The following ZDHHC15 variants were observed in gnomAD, a reference collection of about 807,000 sequenced individuals.
ZDHHC15 encodes palmitoyltransferase ZDHHC15.
ZDHHC15 carries 19 observed loss-of-function variants against 31.7 expected under a neutral mutation model. The ratio of observed to expected loss-of-function variants is 0.60; its 90% CI spans 0.42 to 0.88. The LOEUF (loss-of-function observed/expected upper bound fraction) is 0.88, where lower values mean the gene tolerates loss of function less well. ZDHHC15 is among the 40% of genes least tolerant of loss of function. The pLI, the probability that ZDHHC15 is intolerant of heterozygous loss-of-function variation, is 0.00. For missense variants in ZDHHC15, 209 were observed against 251.2 expected (o/e 0.83, Z 1.14); for synonymous variants, 103 against 90.0 (o/e 1.14, Z -0.82).
At chrX:75,381,471 G>A (rs1447332718) in intron 10 of ZDHHC15, among the ~76,000 whole-genome samples, 1 of 111,456 alleles carries the variant, frequency 9.0e-6, no homozygotes, top group East Asian at 2.8e-4. Flanking sequence ...TACCACTCAT[G>A]AATCCATTGC....
At chrX:75,442,708 C>T (rs758122172) in intron 4 of ZDHHC15, among the ~76,000 whole-genome samples, 5 of 111,523 alleles carry the variant, frequency 4.5e-5, no homozygotes, top group South Asian at 3.8e-4. Flanking sequence ...AATATTGGGC[C>T]GGGCGCGGTG....
At chrX:75,373,121 T>C (rs1281545273) in intron 11 of ZDHHC15, among the ~76,000 whole-genome samples, 176 bp from the exon 12 acceptor site, 1 of 111,767 alleles carries the variant, frequency 8.9e-6, no homozygotes, top group Non-Finnish European at 1.9e-5. Context: ...TACAATGCTA[T>C]ATTTTTGACC....
At chrX:75,474,578 A>ATATAATT (rs2084567011) in intron 3 of ZDHHC15, among the ~76,000 whole-genome samples, 4 of 98,848 alleles carry the variant, frequency 4.0e-5, no homozygotes, top group Non-Finnish European at 8.0e-5. Context: ...CTTTATACAC[A>ATATAATT]CACACACACA....
At chrX:75,518,105 C>A (rs1278280137) in intron 1 of ZDHHC15, among the ~76,000 whole-genome samples, 1 of 99,408 alleles carries the variant, frequency 1.0e-5, no homozygotes, top group Non-Finnish European at 2.1e-5. Context: ...AAATATGACA[C>A]CAAAAGCATA....
At chrX:75,485,074 T>C in intron 2 of ZDHHC15, among the ~76,000 whole-genome samples, 1 of 111,322 alleles carries the variant, frequency 9.0e-6, no homozygotes, top group Middle Eastern at 4.6e-3. Flanking sequence ...GGGTTTCTTG[T>C]GAATGGGGTA....
In ZDHHC15 at chrX:75,446,240, T is replaced by C. The variant is rs185303937; in HGVS notation, c.379+4562A>G. On this transcript the variant is annotated intron_variant, in intron 4 of 11. Coordinates refer to ENST00000373367, the MANE Select transcript of ZDHHC15 (RefSeq NM_144969.3). ...ATTTTAATGTTGCAGCTCAGGGAGT[T>C]AGAAAGCATTCTAACAATTTGGTTG... Among the ~76,000 whole-genome samples, 4 of 111,754 alleles carry C rather than the reference T, an allele frequency of 3.6e-5. No homozygotes were observed. In the East Asian group the frequency reaches 1.1e-3, roughly 32 times the overall value.
chrX:75,393,055 T>A lies in ZDHHC15; in HGVS notation c.968-13857A>T, dbSNP rs148969986. On this transcript the variant is annotated intron_variant, in intron 10 of 11. Transcript: ENST00000373367. ...CATTGACCATAATCACAGGGCATGG[T>A]AATACTAACAGACGCCCTAATGGAT... Among the ~76,000 whole-genome samples, 71 of 110,802 alleles carry A rather than the reference T, an allele frequency of 6.4e-4. 2 individuals carry two copies. The East Asian group carries it at 0.019, about 30-fold the overall frequency.
At chrX:75,397,209 C>A (rs2083307941) in intron 10 of ZDHHC15, among the ~76,000 whole-genome samples, 1 of 109,841 alleles carries the variant, frequency 9.1e-6, no homozygotes, top group Non-Finnish European at 1.9e-5. Context: ...TGCCTGTAAT[C>A]CCAGCTACTC....
At chrX:75,508,462 A>G (rs1462481946) in intron 1 of ZDHHC15, among the ~76,000 whole-genome samples, 1 of 108,075 alleles carries the variant, frequency 9.3e-6, no homozygotes, top group African/African-American at 3.4e-5. Context: ...CCATGTCCCT[A>G]CAAAGGACAT....
intron 10 of ZDHHC15, among the ~76,000 whole-genome samples, chrX:75,402,852 A>G (rs888161455): frequency 9.0e-6 from 1 of 110,670 alleles, no homozygotes; most frequent in African/African-American, 3.3e-5. Flanking sequence ...AAAAATGAGG[A>G]GGAAGGACTC....
chrX:75,477,965 A>C (rs1322701118), intron 3 of ZDHHC15, among the ~76,000 whole-genome samples: 2 of 110,818 alleles, frequency 1.8e-5, no homozygotes, highest in Admixed American at 1.9e-4. Flanking sequence ...CTCTGTAGTT[A>C]ACTTTATTTT....
In ZDHHC15 at chrX:75,370,229, AC is replaced by A. The variant is rs763922882; in HGVS notation, c.*2748del. On this transcript the variant is annotated 3_prime_UTR_variant, in exon 12 of 12. Transcript: ENST00000373367. ...AACAATGAGTATCTTCATTTTGCAA[AC>A]GGAGAAAATGAGTATCAACAATTAG... 3.7e-4 allele frequency: 41 copies of A among 111,669 alleles called. No individual in the cohort carries two copies. Among genetic ancestry groups the A allele is most frequent in the Non-Finnish European group, 5.3e-4 (28 of 53,191 alleles). The allele number at this position is 111,669 out of a possible 1,213,427, so 9.2% of individuals were successfully genotyped here. A position where few individuals can be genotyped will look rare whatever the true frequency, so the allele number is the denominator to read the frequency against.
rs2085153425 is a variant in ZDHHC15, at chrX:75,505,905, G to C, written c.137-58C>G. ...GACAGACAGAGATGGATGAGAGAGA[G>C]AGAGAGAGAAATTAGTTATATTTAA... On this transcript the variant is annotated intron_variant, in intron 1 of 11. Coordinates refer to ENST00000373367, the MANE Select transcript of ZDHHC15 (RefSeq NM_144969.3). 4.9e-6 allele frequency: 5 copies of C among 1,025,951 alleles called. No homozygotes were observed. In the South Asian group the frequency reaches 5.8e-5, roughly 12 times the overall value. 84.5% of individuals were successfully genotyped at this position (1,025,951 alleles called of 1,213,427 possible). A position where few individuals can be genotyped will look rare whatever the true frequency, so the allele number is the denominator to read the frequency against.
chrX:75,502,464 G>T (rs1378047503), intron 2 of ZDHHC15, among the ~76,000 whole-genome samples: 4 of 111,757 alleles, frequency 3.6e-5, no homozygotes, highest in Non-Finnish European at 3.8e-5. Context: ...TTCTGAAAAG[G>T]TAAATAATTA....
At chrX:75,377,287 A>G (rs984807750) in intron 11 of ZDHHC15, among the ~76,000 whole-genome samples, 1 of 110,785 alleles carries the variant, frequency 9.0e-6, no homozygotes, top group African/African-American at 3.3e-5. Context: ...ACTTGAGGTC[A>G]GGAGTTAGAC....
intron 2 of ZDHHC15, among the ~76,000 whole-genome samples, chrX:75,489,035 G>T (rs1253421553): frequency 8.9e-6 from 1 of 111,795 alleles, no homozygotes; most frequent in African/African-American, 3.3e-5. Flanking sequence ...CTGCAAGGCG[G>T]CAGGGGGGAG....
intron 4 of ZDHHC15, among the ~76,000 whole-genome samples, chrX:75,438,610 C>T (rs981295557): frequency 9.0e-6 from 1 of 111,671 alleles, no homozygotes; most frequent in Non-Finnish European, 1.9e-5. Context: ...TTTATTCATT[C>T]TGCCATTCTG....
chrX:75,468,017 G>T (rs758195203), intron 3 of ZDHHC15, among the ~76,000 whole-genome samples: 18 of 105,414 alleles, frequency 1.7e-4, no homozygotes, highest in Non-Finnish European at 1.7e-4. Context: ...GGCCTTCAGT[G>T]TCTGGTGTCT....
chrX:75,482,870 G>C (rs756749753), intron 2 of ZDHHC15, among the ~76,000 whole-genome samples: 12 of 109,475 alleles, frequency 1.1e-4, no homozygotes, highest in Non-Finnish European at 2.3e-4. Context: ...CAATGGATTT[G>C]GAATCAGATG....
Sources: gnomAD v4.1 joint callset for allele counts (sites outside exome capture counted in the v4.1 genomes callset) on GRCh38, gnomAD v4.1.1 for gene constraint, MANE v1.5 for transcripts, NCBI Gene and HGNC (gene_info 2026-07-23, HGNC 2026-07-21) for gene names.